Variants in MED16 observed in about 807,000 individuals in gnomAD.
MED16 encodes the protein mediator complex subunit 16.
MED16 carries 81 observed loss-of-function variants against 84.4 expected under a neutral mutation model. That is an observed-to-expected ratio of 0.96 (90% CI 0.80 to 1.15). The LOEUF is 1.15. Ranked by LOEUF, MED16 falls within the 50% of genes most tolerant of loss-of-function variation. The pLI is 0.00. For missense variants in MED16, 1,585 were observed against 1,245.9 expected, an observed-to-expected ratio of 1.27 and a Z score of -4.10; for synonymous variants, 897 against 552.2, an observed-to-expected ratio of 1.62 and a Z score of -8.76.
intron 1 of MED16, 148 bp downstream of exon 1, chr19:892,925 CCCCGCGCCCCGCG>C (rs1555719532): frequency 6.8e-6 from 1 of 146,082 alleles, no homozygotes; most frequent in African/African-American, 2.7e-5. Context: ...GCGCCCCGCG[CCCCGCGCCCCGCG>C]CCCCAGGCCG....
At chr19:879,661 G>A in intron 8 of MED16, among the ~76,000 whole-genome samples, 1 of 121,276 alleles carries the variant, frequency 8.2e-6, no homozygotes. Flanking sequence ...TCCCCTGGTT[G>A]TCAATGCCCA....
rs113332652 is a variant in MED16 at position 890,099 on chromosome 19, G to A, written c.277+38C>T. On this transcript the variant is annotated intron_variant, in intron 3 of 15. Coordinates refer to ENST00000325464, the MANE Select transcript of MED16 (RefSeq NM_005481.3). The stretch of plus-strand genomic sequence containing the variant: ...ACAGGGCCCCCCTGCTCCGGGATCC[G>A]GGTCGCCACCCCTGGCCACGTGGGA... 5,313 of 1,463,000 alleles carry A rather than the reference G, an allele frequency of 3.6e-3. 142 individuals carry two copies. In the African/African-American group the frequency reaches 0.065, roughly 18 times the overall value. 90.6% of individuals were successfully genotyped at this position (1,463,000 alleles called of 1,614,324 possible).
chr19:884,163 C>T (rs2036477406), intron 6 of MED16, among the ~76,000 whole-genome samples: 1 of 152,210 alleles, frequency 6.6e-6, no homozygotes, highest in African/African-American at 2.4e-5. Flanking sequence ...AATGCCTGTG[C>T]TCTCATCTAC....
At position 868,096 on chromosome 19, in the gene MED16, G is replaced by C. The variant is rs200186933; in HGVS notation, c.*5C>G. The C allele has an allele frequency of 1.9e-6, 3 of 1,600,250 alleles. No homozygotes were observed. In the Admixed American group the frequency reaches 5.3e-5, roughly 28 times the overall value. On this transcript the variant is annotated 3_prime_UTR_variant, in exon 16 of 16. Transcript: ENST00000325464. ...CACCACAAGGTCCGCCTGGACCCCCGGCCGTCACGGACGGTCCTCTGGATG... is the reference window on the plus strand; with the variant it reads ...CACCACAAGGTCCGCCTGGACCCCCCGCCGTCACGGACGGTCCTCTGGATG...
intron 12 of MED16, chr19:871,606 C>T (rs1379981674): frequency 2.5e-6 from 4 of 1,595,802 alleles, no homozygotes; most frequent in South Asian, 2.2e-5. Flanking sequence ...AAACAGGTGC[C>T]TGGAAGTGGC....
rs79505764 is a variant in MED16 at position 874,554 on chromosome 19, C to T, written c.1771+690G>A. Among the ~76,000 whole-genome samples, 4 of 152,236 alleles carry T rather than the reference C, an allele frequency of 2.6e-5. No individual in the cohort carries two copies. The South Asian group carries it at 6.2e-4, about 24-fold the overall frequency. ...TAGCCTTTCTGCCTCAGTCCCCTTA[C>T]GGCAAAACGGAAGGAGGAGCAGACC... On this transcript the variant is annotated intron_variant, in intron 10 of 15. Transcript: ENST00000325464.
chr19:885,423 G>C (rs573523766), intron 5 of MED16, among the ~76,000 whole-genome samples: 3 of 152,134 alleles, frequency 2.0e-5, no homozygotes, highest in Non-Finnish European at 4.4e-5. Context: ...GGTGGGATTC[G>C]GTTCGGGACA....
At chr19:868,774 C>G in intron 14 of MED16, 89 bp downstream of exon 14, 1 of 1,383,390 alleles carries the variant, frequency 7.2e-7, no homozygotes, top group Non-Finnish European at 9.8e-7. Context: ...CCACCCTTGA[C>G]CGTCTGGAGC....
chr19:875,472 G>A lies in MED16; in HGVS notation c.1561-18C>T, dbSNP rs773917774. 10 of 1,590,024 alleles carry A rather than the reference G, an allele frequency of 6.3e-6. No individual in the cohort carries two copies. In the East Asian group the frequency reaches 2.0e-4, roughly 32 times the overall value. On this transcript the variant is annotated intron_variant, in intron 9 of 15. Coordinates refer to ENST00000325464, the MANE Select transcript of MED16 (RefSeq NM_005481.3). ...GAGAGGACCTGAGGGCAGGAAGCCA[G>A]GTCACCCCAAGGGGCCGGAGCAGAG...
intron 9 of MED16, among the ~76,000 whole-genome samples, chr19:876,467 A>G (rs1204926373): frequency 1.3e-5 from 2 of 152,066 alleles, no homozygotes; most frequent in Non-Finnish European, 2.9e-5. Context: ...GCTTAGAAAG[A>G]TACCTCCAGA....
chr19:870,598 G>A (rs556246007), intron 13 of MED16, among the ~76,000 whole-genome samples: 5 of 151,496 alleles, frequency 3.3e-5, no homozygotes, highest in East Asian at 3.9e-4. Context: ...GAGGGTGAAT[G>A]GAAGGGCTGG....
At chr19:877,948 C>T (rs1465268215) in intron 8 of MED16, among the ~76,000 whole-genome samples, 4,170 of 34,858 alleles carry the variant, frequency 0.12, 2 homozygotes, top group Middle Eastern at 0.2. Flanking sequence ...GTTGTCAATG[C>T]CCACCAGCCC....
At chr19:880,275 C>G (rs899552024) in intron 7 of MED16, 127 bp from the exon 8 acceptor site, 39 of 784,332 alleles carry the variant, frequency 5.0e-5, no homozygotes, top group Middle Eastern at 3.8e-4. Context: ...CCCCGCCAAT[C>G]GGCATCCAGC....
chr19:874,952 CAA>C (rs1310365285), intron 10 of MED16, among the ~76,000 whole-genome samples: 1 of 151,716 alleles, frequency 6.6e-6, no homozygotes, highest in African/African-American at 2.4e-5. Context: ...CATTTGAGGT[CAA>C]GAGTTCGAGA....
rs562627953 is a variant in MED16, at chr19:871,791, G to A, written c.2098+135C>T. On this transcript the variant is annotated intron_variant, in intron 12 of 15. Coordinates refer to ENST00000325464, the MANE Select transcript of MED16 (RefSeq NM_005481.3). ...GCGGGGAGAGGGGAGAGGGGAGAGC[G>A]GGGAGAAGGGAGAGCGGGGAGAGGG... is the stretch of plus-strand genomic sequence containing the variant. 227 of 351,624 alleles carry A rather than the reference G, an allele frequency of 6.5e-4. 3 individuals carry two copies. Among genetic ancestry groups the A allele is most frequent in the East Asian group, 2.7e-3 (74 of 27,080 alleles). The allele number at this position is 351,624 out of a possible 1,614,324, so 21.8% of individuals were successfully genotyped here.
In MED16 at chr19:886,047, G is replaced by C. The variant is rs769385094; in HGVS notation, c.602C>G (p.Thr201Arg). The change falls in exon 5 of 16, where the codon ACG becomes AGG. Residue 201 changes from threonine (T) to arginine (R), a missense_variant. By Grantham distance (71) the Thr-to-Arg change is moderately conservative. Coordinates refer to ENST00000325464, the MANE Select transcript of MED16 (RefSeq NM_005481.3). ...SLLKPSGQVL[T>R]STESLCRLRG... Reference sequence around the variant, plus strand: ...CAGCCGGCACAGGCTCTCGGTGGACGTCAGCACCTGCCCGCTGGGCTTCAG... The same window carrying C: ...CAGCCGGCACAGGCTCTCGGTGGACCTCAGCACCTGCCCGCTGGGCTTCAG... The C allele has an allele frequency of 6.3e-7, 1 of 1,596,808 alleles. No individual in the cohort carries two copies. The highest frequency in any genetic ancestry group is 1.3e-5 in the African/African-American group (1 of 74,776).
rs779925024 is a variant in MED16 at position 886,168 on chromosome 19, G to C, written c.481C>G (p.Arg161Gly). The C allele has an allele frequency of 2.6e-6, 4 of 1,524,788 alleles. No individual in the cohort carries two copies. Among genetic ancestry groups the C allele is most frequent in the Non-Finnish European group, 3.5e-6 (4 of 1,139,826 alleles). 94.5% of individuals were successfully genotyped at this position (1,524,788 alleles called of 1,614,324 possible). A position where few individuals can be genotyped will look rare whatever the true frequency, so the allele number is the denominator to read the frequency against. ...GTGAGCGACGGTGAGAACTTGACTC[G>C]GGAGAACTTCTCCCCGAAGCTGGAG... Reference protein sequence around the residue: ...GASSFGEKFSRVKFSPSLTLF... With the variant: ...GASSFGEKFSGVKFSPSLTLF... Residue 161 changes from arginine (R) to glycine (G), a missense_variant, in exon 5 of 16, where the codon CGA becomes GGA. Coordinates refer to ENST00000325464, the MANE Select transcript of MED16 (RefSeq NM_005481.3).
chr19:891,194 C>G, intron 1 of MED16, 45 bp from the exon 2 acceptor site: 3 of 1,550,606 alleles, frequency 1.9e-6, no homozygotes, highest in Non-Finnish European at 2.6e-6. Context: ...GGCTGAGCAC[C>G]CAGGGCATGT....
At chr19:869,125 G>A (rs369688868) in intron 13 of MED16, among the ~76,000 whole-genome samples, 179 bp from the exon 14 acceptor site, 4 of 152,304 alleles carry the variant, frequency 2.6e-5, no homozygotes, top group African/African-American at 9.6e-5. Flanking sequence ...GACAGGCCCA[G>A]TAAAGGGGGC....
Sources: allele counts gnomAD v4.1 joint callset (sites outside exome capture counted in the v4.1 genomes callset), GRCh38; gene constraint gnomAD v4.1.1; transcripts MANE v1.5; gene names NCBI Gene and HGNC (gene_info 2026-07-23, HGNC 2026-07-21).